The following STARD13 variants were observed in gnomAD, a reference collection of about 807,000 sequenced individuals.
The protein encoded by STARD13 is stAR-related lipid transfer protein 13.
Under a neutral mutation model 106.4 loss-of-function variants are expected in STARD13, and 62 were observed. The observed-to-expected ratio is 0.58, with a 90% confidence interval of 0.48 to 0.72. The LOEUF (loss-of-function observed/expected upper bound fraction) is 0.72, where lower values mean the gene tolerates loss of function less well. Among genes scored for constraint, STARD13 ranks in the 30% least tolerant of loss-of-function variants. STARD13 has a pLI of 0.00. For synonymous variants in STARD13, 565 were observed against 553.0 expected (o/e 1.02, Z -0.31); for missense variants, 1,387 against 1,424.0 (o/e 0.97, Z 0.42).
the STARD13 span, among the ~76,000 whole-genome samples, chr13:33,422,868 G>A: frequency 6.6e-6 from 1 of 152,138 alleles, no homozygotes; most frequent in African/African-American, 2.4e-5. Flanking sequence ...TTAATAAATG[G>A]TGCTGGGAAA....
intron 1 of STARD13, among the ~76,000 whole-genome samples, chr13:33,300,124 A>G (rs917711190): frequency 2.0e-5 from 3 of 152,214 alleles, no homozygotes; most frequent in South Asian, 2.1e-4. Flanking sequence ...TATTAACTAC[A>G]TAAGCTTGGA....
chr13:33,376,821 G>A, the STARD13 span, among the ~76,000 whole-genome samples: 1 of 152,248 alleles, frequency 6.6e-6, no homozygotes, highest in African/African-American at 2.4e-5. Context: ...AGAAGTTAGG[G>A]AGGTGAAAGA....
the STARD13 span, among the ~76,000 whole-genome samples, chr13:33,625,205 C>T: frequency 6.6e-6 from 1 of 152,188 alleles, no homozygotes; most frequent in African/African-American, 2.4e-5. Context: ...GAGAACTCAT[C>T]TTCTCAGAGG....
the STARD13 span, among the ~76,000 whole-genome samples, chr13:33,401,197 G>A: frequency 1.2e-4 from 18 of 152,122 alleles, no homozygotes; most frequent in Non-Finnish European, 2.4e-4. Context: ...GCATTTTCAG[G>A]ATCTCAGATT....
intron 1 of STARD13, among the ~76,000 whole-genome samples, chr13:33,257,297 A>G (rs1472017388): frequency 6.6e-6 from 1 of 152,222 alleles, no homozygotes; most frequent in East Asian, 1.9e-4. Context: ...CAAGGACATC[A>G]GTAAAAATAG....
At chr13:33,360,726 A>ATTCCTT in the STARD13 span, among the ~76,000 whole-genome samples, 59 of 134,584 alleles carry the variant, frequency 4.4e-4, no homozygotes, top group African/African-American at 5.4e-4. Flanking sequence ...AGACAGAAGG[A>ATTCCTT]CATATTGTTG....
chr13:33,297,634 T>C (rs141021841), intron 1 of STARD13, among the ~76,000 whole-genome samples: 2 of 151,492 alleles, frequency 1.3e-5, no homozygotes, highest in East Asian at 3.9e-4. Context: ...TAAAGAAAAG[T>C]TTAGAAGAAA....
chr13:33,134,297 A>C (rs1328649305), intron 4 of STARD13, among the ~76,000 whole-genome samples: 1 of 152,214 alleles, frequency 6.6e-6, no homozygotes, highest in Non-Finnish European at 1.5e-5. Flanking sequence ...AATGGCCAAA[A>C]AAACTCATAA....
Position 33,350,217 on chromosome 13 carries a change from G to T in STARD13, c.124+73C>A, listed in dbSNP as rs1486811231. Reference sequence around the variant, plus strand: ...CCTGGAGCCCAGAGCAGAGGAGGGCGGCGGGCCCGGGCGGGCTACGGGGCC... The same window carrying T: ...CCTGGAGCCCAGAGCAGAGGAGGGCTGCGGGCCCGGGCGGGCTACGGGGCC... On this transcript the variant is annotated intron_variant, in intron 1 of 1. Coordinates refer to the STARD13 transcript ENST00000439831. 3 of 1,445,292 alleles carry T rather than the reference G, an allele frequency of 2.1e-6. No individual in the cohort carries two copies. In the Admixed American group the frequency reaches 7.9e-5, roughly 38 times the overall value. The allele number at this position is 1,445,292 out of a possible 1,614,324, so 89.5% of individuals were successfully genotyped here. A position where few individuals can be genotyped will look rare whatever the true frequency, so the allele number is the denominator to read the frequency against.
the STARD13 span, among the ~76,000 whole-genome samples, chr13:33,450,605 C>A: frequency 6.6e-6 from 1 of 152,106 alleles, no homozygotes. Context: ...AGCTCTATAA[C>A]AAAAAGGTTA....
chr13:33,202,713 G>A (rs556273567), intron 1 of STARD13, among the ~76,000 whole-genome samples: 1 of 152,162 alleles, frequency 6.6e-6, no homozygotes, highest in Non-Finnish European at 1.5e-5. Context: ...GGAGGAGGAG[G>A]AGGATGTTGG....
At chr13:33,480,795 G>A in the STARD13 span, among the ~76,000 whole-genome samples, 7 of 152,230 alleles carry the variant, frequency 4.6e-5, no homozygotes, top group African/African-American at 1.7e-4. Flanking sequence ...ATTCCATTTT[G>A]ACTAAAAGGA....
chr13:33,442,573 T>A, the STARD13 span, among the ~76,000 whole-genome samples: 2 of 152,170 alleles, frequency 1.3e-5, no homozygotes, highest in African/African-American at 4.8e-5. Flanking sequence ...ACATTTCAAG[T>A]GCGAGGTATC....
At chr13:33,634,361 C>G in the STARD13 span, among the ~76,000 whole-genome samples, 95 of 152,302 alleles carry the variant, frequency 6.2e-4, no homozygotes, top group Middle Eastern at 3.4e-3. Flanking sequence ...ATGGGAGAAG[C>G]TGTTCAGTAA....
the STARD13 span, among the ~76,000 whole-genome samples, chr13:33,608,902 C>T: frequency 2.9e-4 from 44 of 151,878 alleles, no homozygotes; most frequent in Non-Finnish European, 5.9e-5. Flanking sequence ...CTGGCTAACA[C>T]GGTGAAACCC....
At chr13:33,671,532 C>A in the STARD13 span, among the ~76,000 whole-genome samples, 2 of 152,154 alleles carry the variant, frequency 1.3e-5, no homozygotes, top group South Asian at 2.1e-4. Flanking sequence ...GAGTTCAAGA[C>A]CGGCCTGGGC....
At chr13:33,221,841 T>G (rs1888373765) in intron 1 of STARD13, among the ~76,000 whole-genome samples, 1 of 152,206 alleles carries the variant, frequency 6.6e-6, no homozygotes, top group Non-Finnish European at 1.5e-5. Flanking sequence ...AATGAAATAT[T>G]ACTCAGCTTT....
In STARD13 at chr13:33,117,928, G is replaced by A. The variant is rs569407430; in HGVS notation, c.2281+137C>T. The A allele has an allele frequency of 7.5e-5, 109 of 1,454,408 alleles. 1 individual carries two copies. In the African/African-American group the frequency reaches 1.2e-3, roughly 16 times the overall value. 90.1% of individuals were successfully genotyped at this position (1,454,408 alleles called of 1,614,324 possible). A position where few individuals can be genotyped will look rare whatever the true frequency, so the allele number is the denominator to read the frequency against. ...CAAACTTTGAGCAAAAGTTACTTCC[G>A]TAGAGGAGAGCAGGATTACATACAT... On this transcript the variant is annotated intron_variant, in intron 8 of 13. Transcript: ENST00000336934.
intron 1 of STARD13, among the ~76,000 whole-genome samples, chr13:33,189,656 TG>T (rs1468262420): frequency 1.3e-5 from 2 of 151,940 alleles, no homozygotes; most frequent in African/African-American, 2.4e-5. Flanking sequence ...GTGCCCTTGC[TG>T]TGGGACAGGG....
Sources: allele counts gnomAD v4.1 joint callset (sites outside exome capture counted in the v4.1 genomes callset), GRCh38; gene constraint gnomAD v4.1.1; transcripts MANE v1.5; gene names NCBI Gene and HGNC (gene_info 2026-07-23, HGNC 2026-07-21).